The following TBXT variants were observed in gnomAD, a reference collection of about 807,000 sequenced individuals.
The protein encoded by TBXT is T-box transcription factor T, also known as T brachyury transcription factor.
In TBXT, 19 loss-of-function variants were observed where a neutral mutation model predicts 41.1. That is an observed-to-expected ratio of 0.46 (90% confidence interval 0.32 to 0.68). TBXT has a LOEUF of 0.68. Among genes scored for constraint, TBXT ranks in the 30% least tolerant of loss-of-function variants. TBXT has a pLI of 0.03. For missense variants in TBXT, 536 were observed against 582.0 expected (o/e 0.92, Z 0.81); for synonymous variants, 213 against 238.9 (o/e 0.89, Z 1.00).
chr6:166,162,330 A>G, intron 6 of TBXT, 117 bp downstream of exon 6: 1 of 1,164,456 alleles, frequency 8.6e-7, no homozygotes, highest in South Asian at 1.3e-5. Context: ...GGGCTTGGGT[A>G]TGTGTTCCAG....
chr6:166,160,679 C>A (rs796436029), intron 7 of TBXT, among the ~76,000 whole-genome samples, 158 bp downstream of exon 7: 3 of 152,228 alleles, frequency 2.0e-5, no homozygotes, highest in African/African-American at 7.2e-5. Context: ...ACCTGCAATC[C>A]CTGGGCATAG....
chr6:166,163,037 T>C (rs1042866627), intron 5 of TBXT, among the ~76,000 whole-genome samples: 9 of 152,226 alleles, frequency 5.9e-5, no homozygotes. Flanking sequence ...CCCAGGAGCC[T>C]GGCCTCAGGC....
intron 6 of TBXT, 86 bp downstream of exon 6, chr6:166,162,361 A>T: frequency 2.7e-6 from 4 of 1,484,942 alleles, no homozygotes; most frequent in South Asian, 1.2e-5. Context: ...CCATTTTTTT[A>T]GATTCTAGAC....
At chr6:166,166,938 G>C (rs1184825021) in intron 1 of TBXT, 82 bp from the exon 2 acceptor site, 1 of 1,602,540 alleles carries the variant, frequency 6.2e-7, no homozygotes, top group Non-Finnish European at 8.5e-7. Flanking sequence ...AGAGGCCTCA[G>C]TTATTTCGGG....
At chr6:166,161,902 G>A (rs904421318) in intron 6 of TBXT, among the ~76,000 whole-genome samples, 4 of 151,280 alleles carry the variant, frequency 2.6e-5, no homozygotes, top group South Asian at 4.3e-4. Context: ...CAGCCTGGGC[G>A]ACAGAGCGAG....
Position 166,166,546 on chromosome 6 carries a change from GC to G in TBXT, c.471+45del, listed in dbSNP as rs534227390. 1,747 of 1,612,244 alleles carry G rather than the reference GC, an allele frequency of 1.1e-3. 15 individuals carry two copies. In the African/African-American group the frequency reaches 0.021, roughly 19 times the overall value. ...ACCCCCGTGCAGAAGGCGCAGCGCGGCCCCCTCCTCGCTGGTCCCAGACCTG... is the reference window on the plus strand; with the variant it reads ...ACCCCCGTGCAGAAGGCGCAGCGCGGCCCCTCCTCGCTGGTCCCAGACCTG... On this transcript the variant is annotated intron_variant, in intron 2 of 7. Coordinates refer to ENST00000366876, the MANE Select transcript of TBXT (RefSeq NM_001366285.2).
In TBXT at chr6:166,164,544, G is replaced by A. The variant is rs1424462782; in HGVS notation, c.730+61C>T. ...TTGTCTTCTCCATCTCCACTTCCCA[G>A]CTCTCAGCAAGTCTAGTCCCGATGA... On this transcript the variant is annotated intron_variant, in intron 5 of 7. Coordinates refer to ENST00000366876, the MANE Select transcript of TBXT (RefSeq NM_001366285.2). The A allele has an allele frequency of 1.9e-6, 3 of 1,592,062 alleles. No homozygotes were observed. The African/African-American group carries it at 4.0e-5, about 21-fold the overall frequency.
chr6:166,158,271 C>G lies in TBXT; in HGVS notation c.*44G>C. 6.2e-7 allele frequency: 1 copy of G among 1,614,186 alleles called. No individual in the cohort carries two copies. ...TCAATCCAGTCACCACTGGCTGCCA[C>G]GACAAAAAGTCACTGCATCTTTCGG... On this transcript the variant is annotated 3_prime_UTR_variant, in exon 8 of 8. Transcript: ENST00000366876.
rs770375711 is a variant in TBXT, at chr6:166,162,470, T to C, written c.884A>G (p.Tyr295Cys). The C allele has an allele frequency of 3.1e-6, 5 of 1,613,966 alleles. No homozygotes were observed. The highest frequency in any genetic ancestry group is 2.2e-5 in the South Asian group (2 of 91,070). The part of the protein sequence containing the change: ...SHRSSPYPSP[Y>C]AHRNNSPTYS... ...ACTTGGAGAATTGTTCCGATGAGCA[T>C]AGGGGCTGGGGTAGGGTGAGGACCG... The change falls in exon 6 of 8, where the codon TAT becomes TGT. Residue 295 changes from tyrosine (Y) to cysteine (C), a missense_variant. Transcript: ENST00000366876.
In TBXT at chr6:166,158,592, C is replaced by A. The variant is rs1320391489; in HGVS notation, c.1038-4G>T. 1 of 1,518,478 alleles carries A rather than the reference C, an allele frequency of 6.6e-7. No homozygotes were observed. Among genetic ancestry groups the A allele is most frequent in the Non-Finnish European group, 8.9e-7 (1 of 1,129,174 alleles). The allele number at this position is 1,518,478 out of a possible 1,614,324, so 94.1% of individuals were successfully genotyped here. A position where few individuals can be genotyped will look rare whatever the true frequency, so the allele number is the denominator to read the frequency against. ...AGACCACAGGCTGGGGTACTGACTGCAACAGAAAGACACCAGTGAGCAGGG... is the reference window on the plus strand; with the variant it reads ...AGACCACAGGCTGGGGTACTGACTGAAACAGAAAGACACCAGTGAGCAGGG... On this transcript the variant is annotated splice_polypyrimidine_tract_variant and splice_region_variant and intron_variant, in intron 7 of 7. Coordinates refer to ENST00000366876, the MANE Select transcript of TBXT (RefSeq NM_001366285.2).
Position 166,166,761 on chromosome 6 carries a change from CGGT to C in TBXT, c.299_301del (p.His100del). ...CCATTCCCCGTTCACGTACTTCCAG[CGGT>C]GGTTGTCCGCCGCCACGAAGTCCAG... is the stretch of plus-strand genomic sequence containing the variant. On this transcript the variant is annotated inframe_deletion, in exon 2 of 8. Coordinates refer to ENST00000366876, the MANE Select transcript of TBXT (RefSeq NM_001366285.2). 1 of 1,613,770 alleles carries C rather than the reference CGGT, an allele frequency of 6.2e-7. No homozygotes were observed. Among genetic ancestry groups the C allele is most frequent in the Non-Finnish European group, 8.5e-7 (1 of 1,180,048 alleles).
chr6:166,166,504 C>T, intron 2 of TBXT, 88 bp downstream of exon 2: 7 of 1,600,080 alleles, frequency 4.4e-6, no homozygotes, highest in Non-Finnish European at 6.0e-6. Context: ...CCCGTTCAAG[C>T]AGCGTCCCTT....
At position 166,167,726 on chromosome 6, in the gene TBXT, C is replaced by A. The variant is rs546408427; in HGVS notation, c.-135G>T. The A allele has an allele frequency of 2.5e-4, 301 of 1,187,922 alleles. 1 individual carries two copies. Among genetic ancestry groups the A allele is most frequent in the Middle Eastern group, 1.4e-3 (5 of 3,558 alleles). The allele number at this position is 1,187,922 out of a possible 1,614,324, so 73.6% of individuals were successfully genotyped here. Reference sequence around the variant, plus strand: ...CCGAGACCTGCGACGGCTCCCGGGTCCCGGGTCCCGGCACAGACCCGGGAG... The same window carrying A: ...CCGAGACCTGCGACGGCTCCCGGGTACCGGGTCCCGGCACAGACCCGGGAG... On this transcript the variant is annotated 5_prime_UTR_variant, in exon 1 of 8. Coordinates refer to ENST00000366876, the MANE Select transcript of TBXT (RefSeq NM_001366285.2).
At position 166,162,427 on chromosome 6, in the gene TBXT, G is replaced by A; in HGVS notation, c.907+20C>T. On this transcript the variant is annotated intron_variant, in intron 6 of 7. Transcript: ENST00000366876. ...TGCAGCCACCCACCAACCCCTGGCA[G>A]AATGAGGCTGAGGACTCACTTGGAG... 1 of 1,614,052 alleles carries A rather than the reference G, an allele frequency of 6.2e-7. No individual in the cohort carries two copies. The highest frequency in any genetic ancestry group is 8.5e-7 in the Non-Finnish European group (1 of 1,179,986).
intron 3 of TBXT, 97 bp downstream of exon 3, chr6:166,165,609 G>A (rs1779084520): frequency 6.3e-7 from 1 of 1,591,720 alleles, no homozygotes; most frequent in Middle Eastern, 2.2e-4. Flanking sequence ...TCCTCTCAGT[G>A]CGGGTTAGCG....
In TBXT at chr6:166,162,267, C is replaced by T. The variant is rs1287127891; in HGVS notation, c.907+180G>A. ...GTGTCCGTGGTTGTTCCGCCAGCAG[C>T]GGCAGTGGCGGAGACATAAATTGAA... is the stretch of plus-strand genomic sequence containing the variant. On this transcript the variant is annotated intron_variant, in intron 6 of 7. Transcript: ENST00000366876. 2.0e-5 allele frequency among the ~76,000 whole-genome samples: 3 copies of T among 152,220 alleles called. No individual in the cohort carries two copies. The East Asian group carries it at 5.8e-4, about 29-fold the overall frequency.
At chr6:166,163,190 G>T (rs1344327978) in intron 5 of TBXT, among the ~76,000 whole-genome samples, 15 of 152,142 alleles carry the variant, frequency 9.9e-5, no homozygotes, top group African/African-American at 2.9e-4. Flanking sequence ...GAGAGGTGGG[G>T]TGGTGCTTAG....
Position 166,162,641 on chromosome 6 carries a change from G to T in TBXT, c.731-18C>A, listed in dbSNP as rs1234483672. 5 of 1,600,416 alleles carry T rather than the reference G, an allele frequency of 3.1e-6. No homozygotes were observed. Among genetic ancestry groups the T allele is most frequent in the Non-Finnish European group, 4.3e-6 (5 of 1,172,824 alleles). ...CCCCCCTGCTGTGAGAAAAGACAGT[G>T]CTGAGTAACCTGCATTAGTGCTCCC... On this transcript the variant is annotated intron_variant, in intron 5 of 7. Coordinates refer to ENST00000366876, the MANE Select transcript of TBXT (RefSeq NM_001366285.2).
intron 7 of TBXT, 98 bp from the exon 8 acceptor site, chr6:166,158,686 G>A (rs1341216058): frequency 7.5e-7 from 1 of 1,334,658 alleles, no homozygotes; most frequent in Non-Finnish European, 9.9e-7. Flanking sequence ...GAGTGACTGT[G>A]TAATATGACA....
Sources: gnomAD v4.1 joint callset for allele counts (sites outside exome capture counted in the v4.1 genomes callset) on GRCh38, gnomAD v4.1.1 for gene constraint, MANE v1.5 for transcripts, NCBI Gene and HGNC (gene_info 2026-07-23, HGNC 2026-07-21) for gene names.